ROBO1: variants seen among roughly 807,000 people sequenced by gnomAD.
ROBO1 encodes the protein roundabout guidance receptor 1, also known as roundabout homolog 1.
A neutral mutation model predicts 195.9 loss-of-function variants in ROBO1; 149 were observed. The ratio of observed to expected loss-of-function variants is 0.76; its 90% CI spans 0.67 to 0.87. The LOEUF (loss-of-function observed/expected upper bound fraction) is 0.87. ROBO1 is among the 40% of genes least tolerant of loss of function. ROBO1 has a pLI of 0.00. For missense variants in ROBO1, 1,933 were observed against 2,068.3 expected, an observed-to-expected ratio of 0.93 and a Z score of 1.27; for synonymous variants, 816 against 733.2, an observed-to-expected ratio of 1.11 and a Z score of -1.82.
At chr3:78,606,315 G>A (rs1467904558) in intron 29 of ROBO1, among the ~76,000 whole-genome samples, 1 of 152,168 alleles carries the variant, frequency 6.6e-6, no homozygotes, top group Non-Finnish European at 1.5e-5. Flanking sequence ...TAGGACTAGA[G>A]GCATGTGCCA....
chr3:79,399,304 C>T lies in ROBO1; in HGVS notation c.88+190520G>A, dbSNP rs547571558. ...CTTCCCATTCCATCCAGATTAAAAT[C>T]TCAATCCCTTATATTGGTCTATAAG... is the stretch of plus-strand genomic sequence containing the variant. On this transcript the variant is annotated intron_variant, in intron 2 of 30. Transcript: ENST00000464233. Among the ~76,000 whole-genome samples the T allele has an allele frequency of 3.3e-5, 5 of 152,230 alleles. No homozygotes were observed. In the South Asian group the frequency reaches 1.0e-3, roughly 32 times the overall value.
rs2107713378 is a variant in ROBO1 at position 78,670,087 on chromosome 3, C to G, written c.1548+9G>C. 6.3e-7 allele frequency: 1 copy of G among 1,576,246 alleles called. No individual in the cohort carries two copies. Among genetic ancestry groups the G allele is most frequent in the Non-Finnish European group, 8.7e-7 (1 of 1,153,630 alleles). On this transcript the variant is annotated intron_variant, in intron 11 of 30. Coordinates refer to ENST00000464233, the MANE Select transcript of ROBO1 (RefSeq NM_002941.4). Reference sequence around the variant, plus strand: ...AAAACAAGAAACGCAAGGTGCCATTCCAAGTTACCTTAGCATATCGGATCT... The same window carrying G: ...AAAACAAGAAACGCAAGGTGCCATTGCAAGTTACCTTAGCATATCGGATCT...
At chr3:79,044,145 C>CA (rs1284160209) in intron 3 of ROBO1, among the ~76,000 whole-genome samples, 67 of 146,258 alleles carry the variant, frequency 4.6e-4, no homozygotes, top group South Asian at 2.4e-3. Flanking sequence ...AAAAAAATCG[C>CA]AAAAAAAAAT....
intron 3 of ROBO1, among the ~76,000 whole-genome samples, chr3:79,057,284 T>G (rs2108388379): frequency 6.6e-6 from 1 of 152,134 alleles, no homozygotes; most frequent in Middle Eastern, 3.4e-3. Context: ...TCCCCAAACC[T>G]TTAAATATTG....
At chr3:79,568,520 T>TC (rs1399611798) in intron 2 of ROBO1, among the ~76,000 whole-genome samples, 1 of 151,866 alleles carries the variant, frequency 6.6e-6, no homozygotes, top group Non-Finnish European at 1.5e-5. Flanking sequence ...TTTTTTCTTT[T>TC]TCTCATTGGG....
intron 8 of ROBO1, among the ~76,000 whole-genome samples, chr3:78,706,068 C>T (rs2081544349): frequency 1.3e-5 from 2 of 151,992 alleles, no homozygotes; most frequent in South Asian, 2.1e-4. Flanking sequence ...AACTCACAGT[C>T]AAGCAGTTCA....
intron 3 of ROBO1, among the ~76,000 whole-genome samples, chr3:78,948,791 CT>C (rs1257442402): frequency 1.3e-5 from 2 of 151,868 alleles, no homozygotes; most frequent in Non-Finnish European, 2.9e-5. Flanking sequence ...AAATCTCAAG[CT>C]GATAAGCAAC....
intron 2 of ROBO1, among the ~76,000 whole-genome samples, chr3:79,159,789 T>A (rs1469319717): frequency 6.6e-6 from 1 of 152,068 alleles, no homozygotes; most frequent in African/African-American, 2.4e-5. Flanking sequence ...ATGCTTGATT[T>A]CGGTCTGGCC....
chr3:79,247,079 C>T (rs192314390), intron 2 of ROBO1, among the ~76,000 whole-genome samples: 12 of 148,046 alleles, frequency 8.1e-5, no homozygotes, highest in Non-Finnish European at 1.3e-4. Flanking sequence ...TCTTGAATGT[C>T]TTATTATTGC....
At chr3:79,526,835 A>G (rs1941453481) in intron 2 of ROBO1, among the ~76,000 whole-genome samples, 2 of 152,192 alleles carry the variant, frequency 1.3e-5, no homozygotes, top group African/African-American at 4.8e-5. Flanking sequence ...AATTTAGAAG[A>G]TAAATAAAAT....
chr3:79,629,044 A>G (rs1945263831), intron 1 of ROBO1, among the ~76,000 whole-genome samples: 1 of 152,196 alleles, frequency 6.6e-6, no homozygotes, highest in Non-Finnish European at 1.5e-5. Context: ...GCAATATAGT[A>G]GTAGTGTGGA....
At chr3:79,074,480 G>A (rs1559640493) in intron 3 of ROBO1, among the ~76,000 whole-genome samples, 1 of 151,706 alleles carries the variant, frequency 6.6e-6, no homozygotes, top group Non-Finnish European at 1.5e-5. Context: ...GAGTTCAATG[G>A]TGATCATAGC....
At chr3:79,201,755 A>C (rs1428489063) in intron 2 of ROBO1, among the ~76,000 whole-genome samples, 2 of 151,872 alleles carry the variant, frequency 1.3e-5, no homozygotes, top group Non-Finnish European at 2.9e-5. Flanking sequence ...TGTGAGGAGA[A>C]TTGGAGATAG....
At chr3:79,354,775 T>C (rs1234701741) in intron 2 of ROBO1, among the ~76,000 whole-genome samples, 1 of 152,166 alleles carries the variant, frequency 6.6e-6, no homozygotes, top group African/African-American at 2.4e-5. Context: ...AATTTAATCA[T>C]GTTCCTCCTC....
chr3:78,903,398 T>C (rs2037702474), intron 4 of ROBO1, among the ~76,000 whole-genome samples: 1 of 151,858 alleles, frequency 6.6e-6, no homozygotes, highest in African/African-American at 2.4e-5. Context: ...CCAACTTAAC[T>C]TCAAAGAGAT....
In ROBO1 at chr3:79,293,825, G is replaced by A. The variant is rs565098748; in HGVS notation, c.89-168286C>T. ...TGTAATCCCAGCACTTTGGGAGGCC[G>A]AGGTGGGCGGATCACGAGGTCAGGA... On this transcript the variant is annotated intron_variant, in intron 2 of 30. Transcript: ENST00000464233. 6.6e-5 allele frequency among the ~76,000 whole-genome samples: 10 copies of A among 151,852 alleles called. No individual in the cohort carries two copies. The East Asian group carries it at 9.7e-4, about 15-fold the overall frequency.
intron 2 of ROBO1, among the ~76,000 whole-genome samples, chr3:79,216,898 T>C (rs1416100096): frequency 6.6e-6 from 1 of 152,054 alleles, no homozygotes; most frequent in Non-Finnish European, 1.5e-5. Flanking sequence ...AAAAAGATAA[T>C]TTCAAAGGGA....
At chr3:79,749,000 A>C (rs2107465351) in intron 1 of ROBO1, among the ~76,000 whole-genome samples, 1 of 152,320 alleles carries the variant, frequency 6.6e-6, no homozygotes, top group African/African-American at 2.4e-5. Context: ...AACAGGCAGA[A>C]GTTGGAATAG....
intron 14 of ROBO1, among the ~76,000 whole-genome samples, chr3:78,666,206 G>T (rs1414981412): frequency 6.6e-6 from 1 of 152,136 alleles, no homozygotes; most frequent in African/African-American, 2.4e-5. Flanking sequence ...TGAACTGTGA[G>T]TCAATTAAAC....
Sources: allele counts gnomAD v4.1 joint callset (sites outside exome capture counted in the v4.1 genomes callset), GRCh38; gene constraint gnomAD v4.1.1; transcripts MANE v1.5; gene names NCBI Gene and HGNC (gene_info 2026-07-23, HGNC 2026-07-21).